Variants in TFEC observed in about 807,000 individuals in gnomAD.
TFEC encodes the protein class E basic helix-loop-helix protein 34.
In TFEC, 31 loss-of-function variants were observed where a neutral mutation model predicts 41.6. That is an observed-to-expected ratio of 0.74 (90% CI 0.56 to 1.01). The LOEUF is 1.01. TFEC is among the 50% of genes least tolerant of loss of function. The pLI is 0.00. For synonymous variants in TFEC, 143 were observed against 140.6 expected (o/e 1.02, Z -0.12); for missense variants, 402 against 404.1 (o/e 0.99, Z 0.04).
chr7:115,967,076 A>G (rs1322235110), intron 3 of TFEC, among the ~76,000 whole-genome samples: 2 of 151,726 alleles, frequency 1.3e-5, no homozygotes, highest in Non-Finnish European at 2.9e-5. Flanking sequence ...TTTGGCATAT[A>G]TATGTGTATA....
At chr7:116,122,771 C>T (rs927804225) in intron 1 of TFEC, among the ~76,000 whole-genome samples, 2 of 152,030 alleles carry the variant, frequency 1.3e-5, no homozygotes, top group Admixed American at 6.6e-5. Context: ...AAGGTGATGG[C>T]AAGTGAATGA....
chr7:115,968,461 G>T, intron 3 of TFEC: 1 of 530,592 alleles, frequency 1.9e-6, no homozygotes, highest in South Asian at 5.7e-5. Flanking sequence ...TCTCTGGAAT[G>T]ATCTTGAACT....
At chr7:116,144,861 A>T (rs1170698164) in intron 1 of TFEC, among the ~76,000 whole-genome samples, 18 of 152,130 alleles carry the variant, frequency 1.2e-4, no homozygotes, top group Admixed American at 1.2e-3. Context: ...CAAGACTGCA[A>T]CATCAGTTCT....
chr7:116,005,031 G>A (rs933947316), intron 1 of TFEC, among the ~76,000 whole-genome samples: 1 of 152,164 alleles, frequency 6.6e-6, no homozygotes, highest in African/African-American at 2.4e-5. Context: ...GCTGCCATGT[G>A]AGACATGCCT....
At chr7:116,014,332 A>AT (rs1473336423) in intron 1 of TFEC, among the ~76,000 whole-genome samples, 13 of 152,186 alleles carry the variant, frequency 8.5e-5, no homozygotes, top group Middle Eastern at 3.4e-3. Flanking sequence ...TCTTTGTACG[A>AT]TTTTTCCTCT....
At position 116,027,503 on chromosome 7, in the gene TFEC, G is replaced by A. The variant is rs140302584; in HGVS notation, c.-73+3130C>T. On this transcript the variant is annotated intron_variant, in intron 1 of 7. Coordinates refer to ENST00000265440, the MANE Select transcript of TFEC (RefSeq NM_012252.4). ...ACCAGCTACTCTGGGGGGTTGAGGCGGGAGGCTCTTTTGAGCCCGGGAGGT... is the reference window on the plus strand; with the variant it reads ...ACCAGCTACTCTGGGGGGTTGAGGCAGGAGGCTCTTTTGAGCCCGGGAGGT... Among the ~76,000 whole-genome samples, 114 of 152,206 alleles carry A rather than the reference G, an allele frequency of 7.5e-4. 1 individual carries two copies. In the South Asian group the frequency reaches 0.018, roughly 24 times the overall value.
chr7:116,056,808 A>C (rs1309214363), intron 3 of TFEC, among the ~76,000 whole-genome samples: 2 of 152,128 alleles, frequency 1.3e-5, no homozygotes, highest in Admixed American at 1.3e-4. Flanking sequence ...AAAAATGATC[A>C]GGCATACAAA....
At chr7:116,064,055 G>T (rs1796635177) in intron 3 of TFEC, among the ~76,000 whole-genome samples, 1 of 152,120 alleles carries the variant, frequency 6.6e-6, no homozygotes, top group Non-Finnish European at 1.5e-5. Context: ...GTAGAGAGTA[G>T]AACTGGGGTT....
At chr7:115,959,755 C>T (rs188381225) in intron 3 of TFEC, among the ~76,000 whole-genome samples, 16 of 151,042 alleles carry the variant, frequency 1.1e-4, no homozygotes, top group Non-Finnish European at 1.5e-4. Flanking sequence ...AAGGAATAAA[C>T]GAATTGGTAA....
rs868198413 is a variant in TFEC, at chr7:116,122,984, C to T, written c.-68-10946G>A. Among the ~76,000 whole-genome samples the T allele has an allele frequency of 5.3e-5, 8 of 152,026 alleles. No individual in the cohort carries two copies. In the South Asian group the frequency reaches 1.0e-3, roughly 20 times the overall value. ...AAACAAGCGTGAGAACTGAGATCTA[C>T]ATTTTTTTAACCAATCCCCCCATCT... On this transcript the variant is annotated intron_variant, in intron 1 of 8. Transcript: ENST00000484212.
At chr7:116,114,285 T>C (rs907579518) in intron 1 of TFEC, among the ~76,000 whole-genome samples, 2 of 151,902 alleles carry the variant, frequency 1.3e-5, no homozygotes, top group Non-Finnish European at 2.9e-5. Flanking sequence ...AGGTAGAAAA[T>C]ATCCAGGCTC....
intron 3 of TFEC, among the ~76,000 whole-genome samples, chr7:116,095,763 T>C (rs760142462): frequency 8.5e-5 from 13 of 152,192 alleles, no homozygotes; most frequent in African/African-American, 1.2e-4. Flanking sequence ...TTTTTTCTAC[T>C]GCATCTGGAG....
At chr7:116,097,959 CAAT>C (rs1432039882) in intron 3 of TFEC, among the ~76,000 whole-genome samples, 1 of 151,968 alleles carries the variant, frequency 6.6e-6, no homozygotes, top group Non-Finnish European at 1.5e-5. Flanking sequence ...AGTGAACAAA[CAAT>C]AAATACATAA....
In TFEC at chr7:116,119,158, A is replaced by C. The variant is rs547359873; in HGVS notation, c.-68-7120T>G. ...TTTATATCCTTCAATAAATTTATTA[A>C]TGCTTCCCATTTTTACCAAATAGAG... On this transcript the variant is annotated intron_variant, in intron 1 of 8. Transcript: ENST00000484212. 2.6e-5 allele frequency among the ~76,000 whole-genome samples: 4 copies of C among 151,964 alleles called. No homozygotes were observed. The South Asian group carries it at 8.3e-4, about 32-fold the overall frequency.
chr7:116,053,687 G>C (rs950047469), intron 3 of TFEC, among the ~76,000 whole-genome samples: 2 of 152,140 alleles, frequency 1.3e-5, no homozygotes, highest in African/African-American at 4.8e-5. Flanking sequence ...ACATTTGCAT[G>C]CTCAGCCTCC....
intron 7 of TFEC, 90 bp downstream of exon 7, chr7:115,941,803 G>A (rs1260243053): frequency 2.0e-6 from 3 of 1,477,916 alleles, no homozygotes; most frequent in Admixed American, 4.5e-5. Context: ...TTGTTAATAA[G>A]AGAAAAAATA....
At chr7:115,955,044 A>G (rs906666020) in intron 4 of TFEC, among the ~76,000 whole-genome samples, 1 of 152,094 alleles carries the variant, frequency 6.6e-6, no homozygotes, top group Non-Finnish European at 1.5e-5. Context: ...TGAGATTCAG[A>G]AATTATTCCA....
At chr7:116,011,743 G>C (rs1795009506) in intron 1 of TFEC, among the ~76,000 whole-genome samples, 2 of 152,090 alleles carry the variant, frequency 1.3e-5, no homozygotes, top group Non-Finnish European at 2.9e-5. Flanking sequence ...TTTTGGTCAG[G>C]GGGTGGATCC....
chr7:116,004,356 T>C (rs868309051), intron 1 of TFEC, among the ~76,000 whole-genome samples: 28 of 152,324 alleles, frequency 1.8e-4, no homozygotes, highest in African/African-American at 6.7e-4. Context: ...AACAACTCTA[T>C]GTTCAGTATA....
Sources: allele counts gnomAD v4.1 joint callset (sites outside exome capture counted in the v4.1 genomes callset), GRCh38; gene constraint gnomAD v4.1.1; transcripts MANE v1.5; gene names NCBI Gene and HGNC (gene_info 2026-07-23, HGNC 2026-07-21).